EPM2A: variants seen among roughly 807,000 people sequenced by gnomAD.
EPM2A encodes laforin.
EPM2A carries 21 observed loss-of-function variants against 26.5 expected under a neutral mutation model. The observed-to-expected ratio is 0.79, with a 90% CI of 0.56 to 1.14. The LOEUF is 1.14. EPM2A is among the 50% of genes most tolerant of loss of function. The pLI, the probability that EPM2A is intolerant of heterozygous loss-of-function variation, is 0.00. For missense variants in EPM2A, 458 were observed against 440.8 expected, an observed-to-expected ratio of 1.04 and a Z score of -0.35; for synonymous variants, 217 against 177.6, an observed-to-expected ratio of 1.22 and a Z score of -1.76.
intron 2 of EPM2A, among the ~76,000 whole-genome samples, chr6:145,596,995 C>T (rs994189990): frequency 6.9e-6 from 1 of 144,692 alleles, no homozygotes; most frequent in Non-Finnish European, 1.5e-5. Flanking sequence ...CCCGGGTTCA[C>T]GCCATTCTCC....
Position 145,600,539 on chromosome 6 carries a change from G to T in EPM2A, c.340+34706C>A, listed in dbSNP as rs556942785. On this transcript the variant is annotated intron_variant, in intron 2 of 3. Coordinates refer to the EPM2A transcript ENST00000450221. ...TATCTGCCTGATTTGTAGGTTACTG[G>T]CAATGGTAGTTGCTTAGGAGTGTGT... Among the ~76,000 whole-genome samples the T allele has an allele frequency of 1.9e-4, 29 of 152,190 alleles. 1 individual carries two copies. Among genetic ancestry groups the T allele is most frequent in the African/African-American group, 6.3e-4 (26 of 41,524 alleles).
chr6:145,649,738 C>G (rs1285865256), intron 2 of EPM2A, among the ~76,000 whole-genome samples: 1 of 152,196 alleles, frequency 6.6e-6, no homozygotes, highest in African/African-American at 2.4e-5. Context: ...TGGCACACAG[C>G]CACACTCATT....
chr6:145,710,474 G>A (rs1775250106), intron 1 of EPM2A, among the ~76,000 whole-genome samples: 1 of 152,156 alleles, frequency 6.6e-6, no homozygotes, highest in Admixed American at 6.5e-5. Flanking sequence ...GGAAACAACA[G>A]GTGCTGGAGA....
intron 4 of EPM2A, among the ~76,000 whole-genome samples, chr6:145,428,349 C>T (rs373111089): frequency 1.3e-5 from 2 of 152,078 alleles, no homozygotes; most frequent in African/African-American, 4.8e-5. Flanking sequence ...TATGCTCTGA[C>T]ATTTAACTTT....
intron 2 of EPM2A, chr6:145,682,694 A>G (rs1014386448): frequency 4.6e-5 from 7 of 152,190 alleles, no homozygotes; most frequent in African/African-American, 1.7e-4. Flanking sequence ...CTTACTGAAT[A>G]AATGAAGTTA....
At chr6:145,628,858 C>T (rs914259248) in intron 3 of EPM2A, 1 of 152,284 alleles carries the variant, frequency 6.6e-6, no homozygotes, top group Non-Finnish European at 1.5e-5. Context: ...CTTTAGATGT[C>T]CTTTGGTGAA....
intron 2 of EPM2A, among the ~76,000 whole-genome samples, chr6:145,526,052 A>G (rs1321045598): frequency 1.3e-5 from 2 of 152,096 alleles, no homozygotes; most frequent in African/African-American, 4.8e-5. Flanking sequence ...TGAGATGATC[A>G]TATGGGTTTT....
chr6:145,714,397 T>C (rs1166711601), intron 1 of EPM2A, among the ~76,000 whole-genome samples: 1 of 152,240 alleles, frequency 6.6e-6, no homozygotes, highest in East Asian at 1.9e-4. Context: ...TTTACTACTA[T>C]AGCGAAGTGA....
intron 4 of EPM2A, among the ~76,000 whole-genome samples, chr6:145,429,142 A>C (rs962682622): frequency 5.4e-5 from 8 of 148,346 alleles, no homozygotes; most frequent in Non-Finnish European, 1.2e-4. Flanking sequence ...TTTACAAAGA[A>C]AAAAAATACT....
At chr6:145,521,340 A>T (rs940661161) in intron 2 of EPM2A, among the ~76,000 whole-genome samples, 14 of 152,338 alleles carry the variant, frequency 9.2e-5, no homozygotes, top group East Asian at 3.9e-4. Context: ...ACATATTAAT[A>T]AAATAGCCAT....
intron 2 of EPM2A, among the ~76,000 whole-genome samples, chr6:145,597,542 A>C (rs1412849424): frequency 6.8e-6 from 1 of 146,470 alleles, no homozygotes; most frequent in Non-Finnish European, 1.5e-5. Context: ...GCTCTTTTCT[A>C]ATTTTTTTGT....
intron 4 of EPM2A, among the ~76,000 whole-genome samples, chr6:145,418,380 C>T (rs1357777962): frequency 1.3e-5 from 2 of 152,152 alleles, no homozygotes; most frequent in African/African-American, 4.8e-5. Flanking sequence ...GTGCTTCATC[C>T]CAACTGCTGG....
chr6:145,405,844 C>A (rs1778560528), intron 4 of EPM2A, among the ~76,000 whole-genome samples: 1 of 152,126 alleles, frequency 6.6e-6, no homozygotes. Context: ...TTATTATAAG[C>A]TGTGCAAGTG....
At chr6:145,730,340 G>C (rs765274881) in intron 1 of EPM2A, among the ~76,000 whole-genome samples, 10 of 152,186 alleles carry the variant, frequency 6.6e-5, no homozygotes, top group Non-Finnish European at 1.2e-4. Flanking sequence ...AGATTATGGG[G>C]AATACCTAAG....
At chr6:145,431,438 G>T (rs1778920208) in intron 4 of EPM2A, among the ~76,000 whole-genome samples, 1 of 152,128 alleles carries the variant, frequency 6.6e-6, no homozygotes, top group South Asian at 2.1e-4. Flanking sequence ...GTTCCAAACT[G>T]CCATGGAAAG....
At chr6:145,518,457 C>T (rs1156640327) in intron 2 of EPM2A, among the ~76,000 whole-genome samples, 2 of 152,046 alleles carry the variant, frequency 1.3e-5, no homozygotes, top group African/African-American at 2.4e-5. Context: ...ATGGACACTC[C>T]AGTACAGCAG....
chr6:145,735,937 C>A (rs1776854240), upstream of EPM2A: 1 of 152,136 alleles, frequency 6.6e-6, no homozygotes, highest in Non-Finnish European at 1.5e-5. Context: ...AATTGTGAAA[C>A]GGGGGAAGAT....
rs374336819 is a variant in EPM2A at position 145,627,300 on chromosome 6, G to T, written c.*116C>A. 4 of 1,586,154 alleles carry T rather than the reference G, an allele frequency of 2.5e-6. No individual in the cohort carries two copies. The highest frequency in any genetic ancestry group is 3.4e-6 in the Non-Finnish European group (4 of 1,173,198). On this transcript the variant is annotated 3_prime_UTR_variant, in exon 4 of 4. Transcript: ENST00000367519. ...CATCCCAGGTGAAAGTGGTTGGCTT[G>T]GGGGAGGTCACACAGTCCTTTCAGT...
intron 4 of EPM2A, among the ~76,000 whole-genome samples, chr6:145,407,952 A>G (rs1311828412): frequency 6.6e-6 from 1 of 152,208 alleles, no homozygotes. Flanking sequence ...GGTCATTGAC[A>G]TAAGATAGTT....
Sources: gnomAD v4.1 joint callset for allele counts (sites outside exome capture counted in the v4.1 genomes callset) on GRCh38, gnomAD v4.1.1 for gene constraint, MANE v1.5 for transcripts, NCBI Gene and HGNC (gene_info 2026-07-23, HGNC 2026-07-21) for gene names.